The following CLIC5 variants were observed in gnomAD, a reference collection of about 807,000 sequenced individuals.
The protein encoded by CLIC5 is chloride intracellular channel protein 5.
A neutral mutation model predicts 24.7 loss-of-function variants in CLIC5; 20 were observed. The ratio of observed to expected loss-of-function variants is 0.81; its 90% CI spans 0.57 to 1.18. The LOEUF is 1.18. CLIC5 is among the 50% of genes most tolerant of loss of function. The pLI, the probability that CLIC5 is intolerant of heterozygous loss-of-function variation, is 0.00. For missense variants in CLIC5, 341 were observed against 326.1 expected, an observed-to-expected ratio of 1.05 and a Z score of -0.35; for synonymous variants, 159 against 135.6, an observed-to-expected ratio of 1.17 and a Z score of -1.20.
downstream of CLIC5, among the ~76,000 whole-genome samples, chr6:45,896,553 T>A (rs1762395089): frequency 6.6e-6 from 1 of 152,162 alleles, no homozygotes; most frequent in African/African-American, 2.4e-5. Flanking sequence ...TCCCACAAGG[T>A]AAAACTTACT....
chr6:46,074,114 A>G (rs1202774067), intron 1 of CLIC5, among the ~76,000 whole-genome samples: 1 of 152,336 alleles, frequency 6.6e-6, no homozygotes, highest in East Asian at 1.9e-4. Context: ...ATCCCTATCA[A>G]TATAAAACAT....
At chr6:46,026,797 T>A (rs1033459140) in intron 1 of CLIC5, among the ~76,000 whole-genome samples, 5 of 152,076 alleles carry the variant, frequency 3.3e-5, no homozygotes, top group Admixed American at 6.6e-5. Context: ...CCTCACCCCA[T>A]TTCCAGCTAA....
chr6:45,888,658 G>A (rs144281917), intron 6 of CLIC5, among the ~76,000 whole-genome samples: 2 of 152,316 alleles, frequency 1.3e-5, no homozygotes, highest in African/African-American at 4.8e-5. Context: ...AAGTAGTTAT[G>A]TAGTACTGTA....
intron 1 of CLIC5, among the ~76,000 whole-genome samples, chr6:45,958,439 T>TATATACACACACACACACACAC (rs1554151276): frequency 0.23 from 2,797 of 12,354 alleles, 378 homozygotes; most frequent in Non-Finnish European, 0.4. Flanking sequence ...TATATATATA[T>TATATACACACACACACACACAC]ATATATATAT....
intron 5 of CLIC5, chr6:45,912,725 C>G (rs746091806): frequency 4.2e-5 from 64 of 1,534,812 alleles, no homozygotes; most frequent in Non-Finnish European, 5.5e-5. Flanking sequence ...TCATCCCTTT[C>G]AGTGGTACTT....
intron 3 of CLIC5, 149 bp downstream of exon 3, chr6:45,949,106 TC>T: frequency 2.0e-6 from 2 of 1,024,300 alleles, no homozygotes; most frequent in South Asian, 3.5e-5. Flanking sequence ...CCTTTGGGGG[TC>T]CTAGGCTCTC....
chr6:46,091,318 A>G, the CLIC5 span, among the ~76,000 whole-genome samples: 2 of 152,172 alleles, frequency 1.3e-5, no homozygotes, highest in Non-Finnish European at 2.9e-5. Context: ...TCACTGTTTT[A>G]CACTCCACAT....
At chr6:46,004,915 C>T (rs1177140850) in intron 1 of CLIC5, among the ~76,000 whole-genome samples, 1 of 152,204 alleles carries the variant, frequency 6.6e-6, no homozygotes, top group Non-Finnish European at 1.5e-5. Context: ...ATTCTAAAGA[C>T]ACTGCTGTCT....
chr6:45,905,453 G>A lies in CLIC5; in HGVS notation c.589-2198C>T, dbSNP rs115830585. The stretch of plus-strand genomic sequence containing the variant: ...GTGTCTCCTTGTGCTTTTAATTTGC[G>A]TTTCTCTGGTGACTGGTGATACTGA... On this transcript the variant is annotated intron_variant, in intron 5 of 5. Coordinates refer to ENST00000339561, the MANE Select transcript of CLIC5 (RefSeq NM_016929.5). 3.3e-3 allele frequency among the ~76,000 whole-genome samples: 438 copies of A among 132,928 alleles called. 1 individual carries two copies. Among genetic ancestry groups the A allele is most frequent in the African/African-American group, 0.01 (364 of 35,614 alleles). The allele number at this position is 132,928 out of a possible 152,430, so 87.2% of individuals were successfully genotyped here. A position where few individuals can be genotyped will look rare whatever the true frequency, so the allele number is the denominator to read the frequency against.
At chr6:45,950,647 A>G (rs1443367295) in intron 2 of CLIC5, among the ~76,000 whole-genome samples, 1 of 152,220 alleles carries the variant, frequency 6.6e-6, no homozygotes, top group Non-Finnish European at 1.5e-5. Context: ...GTAGAAATCA[A>G]ATGTTGGTCT....
chr6:46,072,221 C>A (rs1338038691), intron 1 of CLIC5, among the ~76,000 whole-genome samples: 2 of 148,584 alleles, frequency 1.3e-5, no homozygotes, highest in Non-Finnish European at 3.0e-5. Context: ...TGCTAATGTA[C>A]CCCTGAACTT....
intron 1 of CLIC5, among the ~76,000 whole-genome samples, chr6:46,045,488 T>A (rs879719540): frequency 1.3e-5 from 2 of 151,902 alleles, no homozygotes; most frequent in Non-Finnish European, 2.9e-5. Context: ...GGGCAGAGAG[T>A]CACTGGCCCA....
intron 1 of CLIC5, among the ~76,000 whole-genome samples, chr6:45,990,264 C>T (rs117872643): frequency 6.6e-6 from 1 of 152,304 alleles, no homozygotes; most frequent in East Asian, 1.9e-4. Context: ...GTAGGCAGCA[C>T]CAATGCCCTA....
chr6:45,890,740 AC>A (rs1284882985), intron 6 of CLIC5, among the ~76,000 whole-genome samples: 3 of 152,250 alleles, frequency 2.0e-5, no homozygotes, highest in African/African-American at 7.2e-5. Flanking sequence ...CCTTAAAAAA[AC>A]AAAACAAAAC....
chr6:46,006,869 G>A (rs996485569), intron 1 of CLIC5, among the ~76,000 whole-genome samples: 4 of 151,646 alleles, frequency 2.6e-5, no homozygotes, highest in Admixed American at 6.6e-5. Flanking sequence ...TAGAGACGGC[G>A]TTTCACCATG....
the CLIC5 span, among the ~76,000 whole-genome samples, chr6:46,115,120 A>G: frequency 2.0e-5 from 3 of 152,148 alleles, no homozygotes; most frequent in Non-Finnish European, 2.9e-5. Flanking sequence ...TCTGGTTGAG[A>G]GCTTAGGAGG....
intron 1 of CLIC5, among the ~76,000 whole-genome samples, chr6:45,990,706 A>G (rs1561988192): frequency 2.0e-5 from 3 of 152,238 alleles, no homozygotes; most frequent in Non-Finnish European, 1.5e-5. Flanking sequence ...ATTTAGGAAG[A>G]TTAAACAAAG....
chr6:45,952,922 A>T (rs1414361374), intron 2 of CLIC5, among the ~76,000 whole-genome samples: 2 of 152,198 alleles, frequency 1.3e-5, no homozygotes, highest in Non-Finnish European at 2.9e-5. Flanking sequence ...CATTAATTGC[A>T]TAGTGGATGC....
chr6:46,094,634 G>A, the CLIC5 span, among the ~76,000 whole-genome samples: 7 of 152,156 alleles, frequency 4.6e-5, no homozygotes, highest in Non-Finnish European at 1.0e-4. Flanking sequence ...AAAGGGGTGG[G>A]CCCCCAAAGC....
Sources: allele counts gnomAD v4.1 joint callset (sites outside exome capture counted in the v4.1 genomes callset), GRCh38; gene constraint gnomAD v4.1.1; transcripts MANE v1.5; gene names NCBI Gene and HGNC (gene_info 2026-07-23, HGNC 2026-07-21).